Variants in NRG1 observed in about 807,000 individuals in gnomAD.
NRG1 encodes neuregulin 1.
A neutral mutation model predicts 63.8 loss-of-function variants in NRG1; 18 were observed. That is an observed-to-expected ratio of 0.28 (90% CI 0.19 to 0.42). The LOEUF is 0.42. Ranked by LOEUF, NRG1 falls within the 10% of genes least tolerant of loss-of-function variation. The pLI is 1.00. For synonymous variants in NRG1, 302 were observed against 301.3 expected, an observed-to-expected ratio of 1.00 and a Z score of -0.02; for missense variants, 762 against 814.7, an observed-to-expected ratio of 0.94 and a Z score of 0.79.
At chr8:32,002,853 TC>T (rs1360238363) in intron 1 of NRG1, among the ~76,000 whole-genome samples, 3 of 152,114 alleles carry the variant, frequency 2.0e-5, no homozygotes, top group African/African-American at 7.2e-5. Flanking sequence ...TGTTTCCAAG[TC>T]TAATATATTA....
At chr8:31,665,503 G>C (rs537147715) in intron 1 of NRG1, among the ~76,000 whole-genome samples, 21 of 152,258 alleles carry the variant, frequency 1.4e-4, no homozygotes, top group African/African-American at 4.8e-4. Context: ...AGGAATTTCA[G>C]GCAGAGAATG....
chr8:31,642,777 G>C (rs1262162650), intron 1 of NRG1, among the ~76,000 whole-genome samples: 1 of 152,148 alleles, frequency 6.6e-6, no homozygotes, highest in Non-Finnish European at 1.5e-5. Flanking sequence ...GGCGATTTTT[G>C]TGTTATATGA....
At chr8:31,981,211 C>G (rs935745941) in intron 1 of NRG1, among the ~76,000 whole-genome samples, 3 of 152,058 alleles carry the variant, frequency 2.0e-5, no homozygotes, top group African/African-American at 7.2e-5. Context: ...CACCTATTAT[C>G]TTCATGTTCC....
intron 1 of NRG1, among the ~76,000 whole-genome samples, chr8:32,079,507 A>G (rs1827124763): frequency 6.6e-6 from 1 of 152,208 alleles, no homozygotes; most frequent in Non-Finnish European, 1.5e-5. Context: ...CAGAGCCAAG[A>G]CACGAATTCA....
intron 1 of NRG1, among the ~76,000 whole-genome samples, chr8:31,709,431 T>C (rs1334668507): frequency 6.6e-6 from 1 of 152,106 alleles, no homozygotes; most frequent in Non-Finnish European, 1.5e-5. Flanking sequence ...TTTCCTGCAG[T>C]CTTTATAAAG....
intron 2 of NRG1, among the ~76,000 whole-genome samples, chr8:32,605,276 T>TG (rs1309106640): frequency 5.9e-5 from 9 of 152,102 alleles, no homozygotes; most frequent in Non-Finnish European, 1.2e-4. Flanking sequence ...CAGTTATTGG[T>TG]GATGGTAAGG....
intron 1 of NRG1, among the ~76,000 whole-genome samples, chr8:32,122,477 G>T (rs1455747853): frequency 1.3e-5 from 2 of 151,958 alleles, no homozygotes; most frequent in Non-Finnish European, 2.9e-5. Context: ...TATTCGTAAT[G>T]ATTGAACTCA....
chr8:32,071,511 T>C (rs1825758516), intron 1 of NRG1, among the ~76,000 whole-genome samples: 1 of 152,358 alleles, frequency 6.6e-6, no homozygotes, highest in Admixed American at 6.5e-5. Flanking sequence ...TGGTAGATTC[T>C]GTAGATTAAC....
chr8:32,480,721 G>A, intron 1 of NRG1, among the ~76,000 whole-genome samples: 1 of 152,204 alleles, frequency 6.6e-6, no homozygotes, highest in African/African-American at 2.4e-5. Flanking sequence ...TCCAATCATG[G>A]CAGAAGGCAA....
At chr8:32,364,075 C>CTTTTTTTTTTTTTT (rs932903875) in intron 1 of NRG1, among the ~76,000 whole-genome samples, 2 of 65,520 alleles carry the variant, frequency 3.1e-5, no homozygotes, top group Non-Finnish European at 5.5e-5. Flanking sequence ...TCTGACTAGT[C>CTTTTTTTTTTTTTT]TTTTTTTTTT....
chr8:31,658,790 A>G (rs746851054), intron 1 of NRG1, among the ~76,000 whole-genome samples: 2 of 152,170 alleles, frequency 1.3e-5, no homozygotes, highest in Non-Finnish European at 2.9e-5. Context: ...AATGTTAATC[A>G]GCAGAGGGAA....
intron 1 of NRG1, among the ~76,000 whole-genome samples, chr8:32,310,015 C>T (rs920661253): frequency 1.3e-5 from 2 of 152,174 alleles, no homozygotes; most frequent in Non-Finnish European, 2.9e-5. Flanking sequence ...CACTGCAGGG[C>T]TTTTTTTCCC....
At chr8:31,822,041 G>A (rs1332731819) in intron 1 of NRG1, among the ~76,000 whole-genome samples, 1 of 152,154 alleles carries the variant, frequency 6.6e-6, no homozygotes, top group African/African-American at 2.4e-5. Flanking sequence ...CAATAGAAGG[G>A]CATTTTTATT....
chr8:32,458,277 T>A (rs891072186), intron 1 of NRG1, among the ~76,000 whole-genome samples: 1 of 152,190 alleles, frequency 6.6e-6, no homozygotes, highest in African/African-American at 2.4e-5. Flanking sequence ...TGAACTTGTA[T>A]ATCCATATCA....
chr8:32,626,610 G>T (rs568638478), intron 5 of NRG1, among the ~76,000 whole-genome samples: 1 of 151,582 alleles, frequency 6.6e-6, no homozygotes, highest in East Asian at 2.0e-4. Context: ...AACCTGGGAG[G>T]TGGAGTTTGC....
chr8:32,060,583 GATT>G (rs1054337471), intron 1 of NRG1, among the ~76,000 whole-genome samples: 3 of 151,818 alleles, frequency 2.0e-5, no homozygotes, highest in African/African-American at 7.2e-5. Context: ...TTTCTTGGAT[GATT>G]ATTATTATTT....
chr8:32,681,575 A>C (rs2976516), intron 5 of NRG1, among the ~76,000 whole-genome samples: 145,348 of 152,200 alleles, frequency 0.95, 69,904 homozygotes, highest in Middle Eastern at 1. Context: ...TATATTGATA[A>C]CAGCATCTTT....
At chr8:32,486,279 A>T (rs4621766) in intron 1 of NRG1, among the ~76,000 whole-genome samples, 84,659 of 151,982 alleles carry the variant, frequency 0.56, 23,899 homozygotes, top group East Asian at 0.79. Context: ...TATAACTAAC[A>T]CAAAACAGTA....
At chr8:32,586,794 G>A (rs1367130985) in intron 1 of NRG1, among the ~76,000 whole-genome samples, 1 of 152,158 alleles carries the variant, frequency 6.6e-6, no homozygotes, top group African/African-American at 2.4e-5. Flanking sequence ...GATGAAAGGA[G>A]ATTTGACCAA....
Sources: allele counts gnomAD v4.1 joint callset (sites outside exome capture counted in the v4.1 genomes callset), GRCh38; gene constraint gnomAD v4.1.1; transcripts MANE v1.5; gene names NCBI Gene and HGNC (gene_info 2026-07-23, HGNC 2026-07-21).